FSTL5: variants seen among roughly 807,000 people sequenced by gnomAD.
FSTL5 encodes follistatin like 5.
A neutral mutation model predicts 89.1 loss-of-function variants in FSTL5; 62 were observed. The observed-to-expected ratio is 0.70, with a 90% CI of 0.57 to 0.86. The LOEUF (loss-of-function observed/expected upper bound fraction) is 0.86. FSTL5 is among the 40% of genes least tolerant of loss of function. The pLI, the probability that FSTL5 is intolerant of heterozygous loss-of-function variation, is 0.00. For missense variants in FSTL5, 1,057 were observed against 1,001.6 expected (o/e 1.06, Z -0.75); for synonymous variants, 383 against 346.2 (o/e 1.11, Z -1.18).
intron 6 of FSTL5, among the ~76,000 whole-genome samples, chr4:161,688,263 T>G (rs554975547): frequency 6.6e-6 from 1 of 152,222 alleles, no homozygotes; most frequent in Admixed American, 6.5e-5. Context: ...ATTTAATTTT[T>G]ATAGAGATGG....
intron 2 of FSTL5, among the ~76,000 whole-genome samples, chr4:162,076,817 G>A (rs1034376726): frequency 1.3e-5 from 2 of 151,806 alleles, no homozygotes; most frequent in Admixed American, 6.6e-5. Flanking sequence ...CAGACACGGG[G>A]CTGATGTATC....
chr4:161,849,135 T>C (rs943239330), intron 4 of FSTL5, among the ~76,000 whole-genome samples: 1 of 152,208 alleles, frequency 6.6e-6, no homozygotes, highest in East Asian at 1.9e-4. Context: ...GTAAAATTAC[T>C]TCAAAATTAA....
intron 3 of FSTL5, among the ~76,000 whole-genome samples, chr4:162,017,763 T>G (rs1446104650): frequency 6.6e-6 from 1 of 152,172 alleles, no homozygotes; most frequent in Non-Finnish European, 1.5e-5. Flanking sequence ...GTTTGATAAG[T>G]TCATCACACT....
At chr4:161,552,275 A>C (rs1201289185) in intron 8 of FSTL5, among the ~76,000 whole-genome samples, 1 of 151,886 alleles carries the variant, frequency 6.6e-6, no homozygotes, top group Non-Finnish European at 1.5e-5. Context: ...TATTAATAAC[A>C]ACTCTCAATA....
chr4:161,942,948 A>G (rs908711999), intron 3 of FSTL5, among the ~76,000 whole-genome samples: 1 of 152,216 alleles, frequency 6.6e-6, no homozygotes, highest in South Asian at 2.1e-4. Flanking sequence ...ATAAAAATCA[A>G]TTAGTGTTAA....
Position 162,067,208 on chromosome 4 carries a change from C to A in FSTL5, c.127-33550G>T, listed in dbSNP as rs573121905. Among the ~76,000 whole-genome samples the A allele has an allele frequency of 1.5e-4, 23 of 152,136 alleles. 2 individuals are homozygous for A. The South Asian group carries it at 4.3e-3, about 29-fold the overall frequency. ...ACAGGTGACTACAAGGCCATGCCCC[C>A]ACACCCAACAAATTTTTGTATTCTT... On this transcript the variant is annotated intron_variant, in intron 2 of 15. Coordinates refer to ENST00000306100, the MANE Select transcript of FSTL5 (RefSeq NM_020116.5).
chr4:161,758,289 G>T (rs1438683725), intron 6 of FSTL5, among the ~76,000 whole-genome samples: 1 of 151,678 alleles, frequency 6.6e-6, no homozygotes, highest in African/African-American at 2.4e-5. Context: ...ATTCAAAAAA[G>T]ACCTTTTTAC....
intron 1 of FSTL5, among the ~76,000 whole-genome samples, chr4:162,124,853 C>G (rs1379452525): frequency 6.6e-6 from 1 of 152,198 alleles, no homozygotes; most frequent in Non-Finnish European, 1.5e-5. Context: ...GCGCCCGCCA[C>G]CACGTCCAGC....
At chr4:161,475,027 CTTT>C (rs58684881) in intron 13 of FSTL5, among the ~76,000 whole-genome samples, 10 of 129,442 alleles carry the variant, frequency 7.7e-5, no homozygotes, top group East Asian at 2.3e-4. Flanking sequence ...CCTTGATTGG[CTTT>C]TTTTTTTTTT....
At chr4:161,770,490 T>C (rs59523114) in intron 5 of FSTL5, among the ~76,000 whole-genome samples, 31,787 of 151,720 alleles carry the variant, frequency 0.21, 6,128 homozygotes, top group African/African-American at 0.51. Context: ...TATGTACTCA[T>C]AAAAATTAAA....
At chr4:161,993,719 A>C (rs2111085423) in intron 3 of FSTL5, among the ~76,000 whole-genome samples, 1 of 152,194 alleles carries the variant, frequency 6.6e-6, no homozygotes, top group East Asian at 1.9e-4. Flanking sequence ...CTTGTTGTGT[A>C]GATTTGGGGG....
intron 7 of FSTL5, among the ~76,000 whole-genome samples, chr4:161,625,996 GAAGCTTTTCTTCTGTAAGA>G (rs1369950078): frequency 6.6e-6 from 1 of 151,984 alleles, no homozygotes; most frequent in Non-Finnish European, 1.5e-5. Flanking sequence ...AGAAAATTTG[GAAGCTTTTCTTCTGTAAGA>G]AAGAGGTTAG....
At chr4:161,792,423 T>G (rs1075273) in intron 4 of FSTL5, among the ~76,000 whole-genome samples, 111,554 of 151,874 alleles carry the variant, frequency 0.73, 41,035 homozygotes, top group Admixed American at 0.76. Flanking sequence ...GGAAAGAAGC[T>G]GGTGTCTGGT....
chr4:161,628,287 T>C (rs1735380626), intron 7 of FSTL5, among the ~76,000 whole-genome samples: 1 of 152,172 alleles, frequency 6.6e-6, no homozygotes, highest in Non-Finnish European at 1.5e-5. Flanking sequence ...ATAATCTCTA[T>C]ATTTTTACTT....
At chr4:161,757,849 C>T (rs561301876) in intron 6 of FSTL5, among the ~76,000 whole-genome samples, 1 of 152,154 alleles carries the variant, frequency 6.6e-6, no homozygotes, top group Admixed American at 6.6e-5. Flanking sequence ...AAACTCCTGA[C>T]CTTAGGTGAT....
chr4:161,854,249 T>C (rs528837107), intron 4 of FSTL5, among the ~76,000 whole-genome samples: 1 of 152,236 alleles, frequency 6.6e-6, no homozygotes, highest in African/African-American at 2.4e-5. Context: ...AACATTCACT[T>C]CCCAACTGAG....
At chr4:162,099,427 C>T (rs1730897808) in intron 2 of FSTL5, among the ~76,000 whole-genome samples, 2 of 152,148 alleles carry the variant, frequency 1.3e-5, no homozygotes, top group South Asian at 4.1e-4. Flanking sequence ...TTATGTCTCT[C>T]ATGGCAAGAA....
At chr4:162,118,076 G>A (rs17599262) in intron 1 of FSTL5, among the ~76,000 whole-genome samples, 7,316 of 152,170 alleles carry the variant, frequency 0.048, 371 homozygotes, top group East Asian at 0.27. Context: ...GGACAGAAAA[G>A]CTTTTTATTC....
chr4:161,594,972 G>A (rs1022214470), intron 7 of FSTL5, among the ~76,000 whole-genome samples: 6 of 151,978 alleles, frequency 3.9e-5, no homozygotes, highest in Admixed American at 3.3e-4. Flanking sequence ...TACTGATGTT[G>A]AGTAACTTGG....
Sources: gnomAD v4.1 joint callset for allele counts (sites outside exome capture counted in the v4.1 genomes callset) on GRCh38, gnomAD v4.1.1 for gene constraint, MANE v1.5 for transcripts, NCBI Gene and HGNC (gene_info 2026-07-23, HGNC 2026-07-21) for gene names.